Variants in TENM3 observed in about 807,000 individuals in gnomAD.
TENM3 encodes the protein teneurin-3.
A neutral mutation model predicts 255.1 loss-of-function variants in TENM3; 63 were observed. The ratio of observed to expected loss-of-function variants is 0.25; its 90% CI spans 0.20 to 0.30. The LOEUF (loss-of-function observed/expected upper bound fraction) is 0.30, where lower values mean the gene tolerates loss of function less well. Among genes scored for constraint, TENM3 ranks in the 10% least tolerant of loss-of-function variants. The pLI is 1.00. For synonymous variants in TENM3, 1,306 were observed against 1,322.3 expected, an observed-to-expected ratio of 0.99 and a Z score of 0.27; for missense variants, 2,929 against 3,461.1, an observed-to-expected ratio of 0.85 and a Z score of 3.86.
At chr4:182,441,732 A>ATGATC (rs1433684918) in intron 3 of TENM3, among the ~76,000 whole-genome samples, 2 of 152,078 alleles carry the variant, frequency 1.3e-5, no homozygotes, top group African/African-American at 2.4e-5. Flanking sequence ...TCCTGACCTG[A>ATGATC]TGATCTGCCT....
At chr4:181,591,469 C>T in the TENM3 span, among the ~76,000 whole-genome samples, 9 of 152,274 alleles carry the variant, frequency 5.9e-5, no homozygotes, top group Admixed American at 5.2e-4. Context: ...CTGGAAACAA[C>T]CCAAATGTCC....
chr4:181,599,654 G>A, the TENM3 span, among the ~76,000 whole-genome samples: 1 of 152,094 alleles, frequency 6.6e-6, no homozygotes, highest in Non-Finnish European at 1.5e-5. Context: ...TTCTATCTGG[G>A]CAAGGTGTGG....
the TENM3 span, among the ~76,000 whole-genome samples, chr4:181,754,394 C>T: frequency 6.6e-6 from 1 of 151,188 alleles, no homozygotes. Flanking sequence ...GTAAAATAAA[C>T]TATTTTTGTC....
At chr4:181,546,559 C>CA in the TENM3 span, among the ~76,000 whole-genome samples, 22,721 of 118,294 alleles carry the variant, frequency 0.19, 2,757 homozygotes, top group Middle Eastern at 0.32. Context: ...ACTAAAAATA[C>CA]AAAAATTAGC....
At chr4:181,933,894 G>A in the TENM3 span, among the ~76,000 whole-genome samples, 9 of 152,164 alleles carry the variant, frequency 5.9e-5, no homozygotes, top group Non-Finnish European at 1.2e-4. Flanking sequence ...GGTGAGAAAT[G>A]TGAAATTAAG....
At chr4:181,586,111 G>T in the TENM3 span, among the ~76,000 whole-genome samples, 1 of 152,176 alleles carries the variant, frequency 6.6e-6, no homozygotes, top group Non-Finnish European at 1.5e-5. Flanking sequence ...TGGAGGGAAG[G>T]GGAAGACTTG....
the TENM3 span, among the ~76,000 whole-genome samples, chr4:181,934,914 A>G: frequency 7.9e-4 from 120 of 152,300 alleles, no homozygotes; most frequent in African/African-American, 2.7e-3. Flanking sequence ...AGTTGATATG[A>G]TGCTAGCTTG....
chr4:182,090,407 T>A, the TENM3 span, among the ~76,000 whole-genome samples: 5 of 152,174 alleles, frequency 3.3e-5, no homozygotes, highest in African/African-American at 1.2e-4. Context: ...ATGCATTTTT[T>A]AAAATCAATT....
At chr4:181,552,610 G>A in the TENM3 span, among the ~76,000 whole-genome samples, 8 of 152,228 alleles carry the variant, frequency 5.3e-5, no homozygotes, top group Non-Finnish European at 1.0e-4. Flanking sequence ...GTGCCATATC[G>A]TAGGCTGTAG....
the TENM3 span, among the ~76,000 whole-genome samples, chr4:181,741,686 A>G: frequency 1.3e-5 from 2 of 152,296 alleles, no homozygotes; most frequent in African/African-American, 4.8e-5. Flanking sequence ...AGAGGCCATC[A>G]TTCATTACGA....
chr4:181,951,997 G>A, the TENM3 span, among the ~76,000 whole-genome samples: 1 of 152,176 alleles, frequency 6.6e-6, no homozygotes, highest in Non-Finnish European at 1.5e-5. Context: ...TTGAAAGTCT[G>A]AAGTATTGCT....
At chr4:182,252,229 G>A (rs765856353) in intron 1 of TENM3, among the ~76,000 whole-genome samples, 4 of 151,304 alleles carry the variant, frequency 2.6e-5, no homozygotes, top group Non-Finnish European at 4.4e-5. Flanking sequence ...AATGTCACAC[G>A]TCCAGACCAG....
intron 3 of TENM3, among the ~76,000 whole-genome samples, chr4:182,531,537 T>C (rs1301211121): frequency 6.6e-6 from 1 of 152,168 alleles, no homozygotes. Flanking sequence ...CTCAATATGT[T>C]AGTCATACTC....
At chr4:181,597,798 A>G in the TENM3 span, among the ~76,000 whole-genome samples, 1 of 152,204 alleles carries the variant, frequency 6.6e-6, no homozygotes, top group African/African-American at 2.4e-5. Flanking sequence ...TCAGTAATTC[A>G]GCTCCAGAGT....
At chr4:182,461,617 A>G (rs1731995479) in intron 3 of TENM3, among the ~76,000 whole-genome samples, 1 of 151,760 alleles carries the variant, frequency 6.6e-6, no homozygotes, top group African/African-American at 2.4e-5. Flanking sequence ...GCAAGGTAGT[A>G]TTAATAGAAG....
chr4:182,121,940 C>T, the TENM3 span, among the ~76,000 whole-genome samples: 1 of 152,216 alleles, frequency 6.6e-6, no homozygotes, highest in Non-Finnish European at 1.5e-5. Context: ...TCAATCCTCT[C>T]AAACCTTTCC....
At chr4:182,569,424 T>C (rs1401819497) in intron 3 of TENM3, among the ~76,000 whole-genome samples, 3 of 151,772 alleles carry the variant, frequency 2.0e-5, no homozygotes, top group Admixed American at 6.6e-5. Flanking sequence ...CGTGGTGACA[T>C]GTGCCTGTAA....
At chr4:182,634,179 T>C (rs2152481405) in intron 5 of TENM3, among the ~76,000 whole-genome samples, 1 of 152,126 alleles carries the variant, frequency 6.6e-6, no homozygotes, top group African/African-American at 2.4e-5. Flanking sequence ...ACTAGACACA[T>C]GTGGCTGTTG....
At chr4:181,875,885 GA>G in the TENM3 span, among the ~76,000 whole-genome samples, 13,641 of 149,006 alleles carry the variant, frequency 0.092, 747 homozygotes, top group Non-Finnish European at 0.12. Context: ...ACATCCCACA[GA>G]AAAAAAAAAT....
Sources: gnomAD v4.1 joint callset for allele counts (sites outside exome capture counted in the v4.1 genomes callset) on GRCh38, gnomAD v4.1.1 for gene constraint, MANE v1.5 for transcripts, NCBI Gene and HGNC (gene_info 2026-07-23, HGNC 2026-07-21) for gene names.